Variants in SEC11A observed in about 807,000 individuals in gnomAD.
The protein encoded by SEC11A is SEC11 homolog A, signal peptidase complex subunit, also known as signal peptidase complex catalytic subunit SEC11A.
SEC11A carries 14 observed loss-of-function variants against 25.6 expected under a neutral mutation model. The ratio of observed to expected loss-of-function variants is 0.55; its 90% CI spans 0.36 to 0.85. The LOEUF (loss-of-function observed/expected upper bound fraction) is 0.85, where lower values mean the gene tolerates loss of function less well. Among genes scored for constraint, SEC11A ranks in the 40% least tolerant of loss-of-function variants. The probability of loss-of-function intolerance (pLI) is 0.01; values close to 1 mark genes in which losing one functional copy is unlikely to be tolerated. For synonymous variants in SEC11A, 83 were observed against 76.4 expected, an observed-to-expected ratio of 1.09 and a Z score of -0.45; for missense variants, 153 against 222.9, an observed-to-expected ratio of 0.69 and a Z score of 2.00.
chr15:84,689,350 C>T (rs1211618875), intron 2 of SEC11A, among the ~76,000 whole-genome samples: 1 of 152,062 alleles, frequency 6.6e-6, no homozygotes, highest in Non-Finnish European at 1.5e-5. Flanking sequence ...AATATACTTA[C>T]CTGCAAATTG....
chr15:84,715,954 C>A, intron 1 of SEC11A, 71 bp downstream of exon 1: 2 of 1,458,930 alleles, frequency 1.4e-6, no homozygotes, highest in Non-Finnish European at 1.9e-6. Flanking sequence ...CCCTGGGGTC[C>A]GCCGGGCCCC....
At chr15:84,687,966 T>G (rs1037305461) in intron 2 of SEC11A, among the ~76,000 whole-genome samples, 192 bp from the exon 3 acceptor site, 2 of 152,260 alleles carry the variant, frequency 1.3e-5, no homozygotes, top group Non-Finnish European at 2.9e-5. Flanking sequence ...CCAAAGGATT[T>G]TTTTTTAGTT....
At chr15:84,698,109 A>C (rs939436106) in intron 1 of SEC11A, among the ~76,000 whole-genome samples, 3 of 152,194 alleles carry the variant, frequency 2.0e-5, no homozygotes, top group Non-Finnish European at 4.4e-5. Context: ...ATATATAATA[A>C]GAAATTAAGA....
intron 4 of SEC11A, among the ~76,000 whole-genome samples, 181 bp downstream of exon 4, chr15:84,680,532 G>T (rs1217723232): frequency 6.6e-6 from 1 of 152,082 alleles, no homozygotes; most frequent in South Asian, 2.1e-4. Flanking sequence ...CTCACCTTTG[G>T]AGTAGTATAC....
At chr15:84,674,699 C>T (rs1897089848) in intron 4 of SEC11A, among the ~76,000 whole-genome samples, 1 of 152,068 alleles carries the variant, frequency 6.6e-6, no homozygotes, top group Admixed American at 6.6e-5. Context: ...GCTGGGACTA[C>T]AAGTGCACGC....
In SEC11A at chr15:84,682,297, C is replaced by T. The variant is rs567956667; in HGVS notation, c.312-1465G>A. Among the ~76,000 whole-genome samples, 39 of 150,946 alleles carry T rather than the reference C, an allele frequency of 2.6e-4. No homozygotes were observed. In the East Asian group the frequency reaches 2.9e-3, roughly 11 times the overall value. On this transcript the variant is annotated intron_variant, in intron 3 of 5. Transcript: ENST00000268220. ...AGACCAATGGATAAACAGTGGCTAT[C>T]TATGGCTTTCTTTAGATTACCTTTA...
At position 84,683,776 on chromosome 15, in the gene SEC11A, C is replaced by T. The variant is rs1246909801; in HGVS notation, c.312-2944G>A. Among the ~76,000 whole-genome samples, 5 of 152,086 alleles carry T rather than the reference C, an allele frequency of 3.3e-5. No individual in the cohort carries two copies. In the South Asian group the frequency reaches 6.2e-4, roughly 19 times the overall value. On this transcript the variant is annotated intron_variant, in intron 3 of 5. Coordinates refer to ENST00000268220, the MANE Select transcript of SEC11A (RefSeq NM_014300.4). The stretch of plus-strand genomic sequence containing the variant: ...CTGACCTCAGGTGATCCGCCCTCCT[C>T]GGCCTCCCAAAGTGCTGGGATAACA...
chr15:84,692,971 G>C (rs903432311), intron 1 of SEC11A, among the ~76,000 whole-genome samples: 1 of 151,850 alleles, frequency 6.6e-6, no homozygotes, highest in Non-Finnish European at 1.5e-5. Flanking sequence ...TCAGCCTCCC[G>C]AGTAGCCAGA....
At chr15:84,689,641 A>G (rs2141893334) in intron 2 of SEC11A, among the ~76,000 whole-genome samples, 1 of 145,130 alleles carries the variant, frequency 6.9e-6, no homozygotes, top group Admixed American at 6.9e-5. Context: ...CAAAATTTCA[A>G]TTGTCACCCA....
intron 3 of SEC11A, among the ~76,000 whole-genome samples, chr15:84,682,123 T>C (rs1361582946): frequency 2.0e-5 from 3 of 152,060 alleles, no homozygotes; most frequent in Non-Finnish European, 4.4e-5. Context: ...GAATTGGCTA[T>C]ATATTAATCA....
intron 1 of SEC11A, among the ~76,000 whole-genome samples, chr15:84,703,578 G>C (rs1043065943): frequency 6.6e-6 from 1 of 152,154 alleles, no homozygotes; most frequent in Non-Finnish European, 1.5e-5. Context: ...TCTCATGCAG[G>C]GTTGATCATG....
chr15:84,673,432 A>G (rs1208502010), intron 4 of SEC11A: 1 of 145,386 alleles, frequency 6.9e-6, no homozygotes, highest in South Asian at 1.5e-4. Context: ...TGCCTTGGGA[A>G]AAAAAAAAAA....
chr15:84,693,201 T>TG (rs1491252721), intron 1 of SEC11A, among the ~76,000 whole-genome samples: 2 of 151,780 alleles, frequency 1.3e-5, no homozygotes, highest in Non-Finnish European at 2.9e-5. Flanking sequence ...TTCAATGTCA[T>TG]GGAAAAAAAG....
rs146068057 is a variant in SEC11A, at chr15:84,701,572, T to C, written c.52-9928A>G. Among the ~76,000 whole-genome samples, 7 of 151,852 alleles carry C rather than the reference T, an allele frequency of 4.6e-5. No individual in the cohort carries two copies. The East Asian group carries it at 1.4e-3, about 30-fold the overall frequency. The stretch of plus-strand genomic sequence containing the variant: ...GAAAAAAAAATGTAAATGATCTAAA[T>C]ACTATACTTAGAAGTTAAATATTGT... On this transcript the variant is annotated intron_variant, in intron 1 of 5. Coordinates refer to ENST00000268220, the MANE Select transcript of SEC11A (RefSeq NM_014300.4).
chr15:84,693,849 C>A (rs889698645), intron 1 of SEC11A, among the ~76,000 whole-genome samples: 1 of 152,066 alleles, frequency 6.6e-6, no homozygotes, highest in African/African-American at 2.4e-5. Flanking sequence ...TAGTAGTTAG[C>A]TAGTAGTTGT....
chr15:84,693,618 G>A (rs1028640123), intron 1 of SEC11A, among the ~76,000 whole-genome samples: 2 of 151,754 alleles, frequency 1.3e-5, no homozygotes, highest in Non-Finnish European at 2.9e-5. Context: ...GCATCATCAC[G>A]CCCGGCCAAT....
intron 4 of SEC11A, chr15:84,680,077 A>G (rs921639524): frequency 3.7e-5 from 25 of 680,600 alleles, no homozygotes; most frequent in Non-Finnish European, 5.7e-5. Flanking sequence ...ATTTGGATGA[A>G]CACTTTTGAG....
intron 1 of SEC11A, chr15:84,691,881 C>A (rs957429859): frequency 1.0e-4 from 34 of 334,396 alleles, no homozygotes; most frequent in Non-Finnish European, 3.8e-5. Flanking sequence ...ATTTATATAA[C>A]ACCATATTAT....
chr15:84,686,183 A>G (rs1897416808), intron 3 of SEC11A, among the ~76,000 whole-genome samples: 1 of 152,210 alleles, frequency 6.6e-6, no homozygotes, highest in Non-Finnish European at 1.5e-5. Context: ...TTCCACATAC[A>G]TACTGATATC....
Sources: allele counts gnomAD v4.1 joint callset (sites outside exome capture counted in the v4.1 genomes callset), GRCh38; gene constraint gnomAD v4.1.1; transcripts MANE v1.5; gene names NCBI Gene and HGNC (gene_info 2026-07-23, HGNC 2026-07-21).